The following MAPK10 variants were observed in gnomAD, a reference collection of about 807,000 sequenced individuals.
MAPK10 encodes JNK3 alpha protein kinase.
In MAPK10, 25 loss-of-function variants were observed where a neutral mutation model predicts 59.3. That is an observed-to-expected ratio of 0.42 (90% CI 0.31 to 0.59). MAPK10 has a LOEUF of 0.59. MAPK10 is among the 20% of genes least tolerant of loss of function. MAPK10 has a pLI of 0.15. For synonymous variants in MAPK10, 190 were observed against 200.5 expected, an observed-to-expected ratio of 0.95 and a Z score of 0.44; for missense variants, 351 against 568.9, an observed-to-expected ratio of 0.62 and a Z score of 3.90.
At chr4:86,453,206 C>T (rs1417303455), upstream of MAPK10, 11 of 152,390 alleles carry the variant, frequency 7.2e-5, no homozygotes, top group Admixed American at 3.3e-4. Context: ...AAAACTCCAG[C>T]TGAACTTTGT....
At chr4:86,411,550 G>T (rs924130641) in intron 1 of MAPK10, among the ~76,000 whole-genome samples, 1 of 152,162 alleles carries the variant, frequency 6.6e-6, no homozygotes, top group African/African-American at 2.4e-5. Context: ...TCTCTTTGTA[G>T]GTCTCTAAGG....
intron 9 of MAPK10, 111 bp downstream of exon 9, chr4:86,098,413 C>A: frequency 2.0e-6 from 3 of 1,523,370 alleles, no homozygotes; most frequent in Non-Finnish European, 2.7e-6. Flanking sequence ...TACAATAACA[C>A]CACTTACCCA....
At chr4:86,295,179 A>T (rs144589462) in intron 2 of MAPK10, among the ~76,000 whole-genome samples, 59 of 152,258 alleles carry the variant, frequency 3.9e-4, no homozygotes, top group African/African-American at 1.2e-3. Flanking sequence ...TTTCACTTCC[A>T]TGTTATGAAG....
intron 1 of MAPK10, among the ~76,000 whole-genome samples, chr4:86,529,821 G>C (rs1161126054): frequency 6.6e-6 from 1 of 152,086 alleles, no homozygotes; most frequent in Admixed American, 6.5e-5. Flanking sequence ...TGTATTTTTT[G>C]TCCTCAGTTT....
chr4:86,034,926 G>A (rs1051566618), intron 11 of MAPK10, among the ~76,000 whole-genome samples: 2 of 152,152 alleles, frequency 1.3e-5, no homozygotes, highest in African/African-American at 4.8e-5. Context: ...GGTAGTGGTA[G>A]TGGTGGTGCA....
intron 1 of MAPK10, among the ~76,000 whole-genome samples, chr4:86,381,557 C>T (rs1004861858): frequency 6.6e-6 from 1 of 152,146 alleles, no homozygotes; most frequent in East Asian, 1.9e-4. Flanking sequence ...CTGCAGGATA[C>T]TGGAAGGCAG....
At chr4:86,444,467 T>C (rs998005399) in intron 1 of MAPK10, among the ~76,000 whole-genome samples, 14 of 150,270 alleles carry the variant, frequency 9.3e-5, no homozygotes, top group African/African-American at 1.5e-4. Context: ...AGAAAAAACA[T>C]AGAAGAAAAT....
At chr4:86,527,847 G>T (rs191622417) in intron 1 of MAPK10, among the ~76,000 whole-genome samples, 1 of 152,294 alleles carries the variant, frequency 6.6e-6, no homozygotes, top group Admixed American at 6.5e-5. Context: ...CATGTCCTTT[G>T]TAGCAACATG....
At chr4:86,437,860 A>G (rs1232382279) in intron 1 of MAPK10, among the ~76,000 whole-genome samples, 1 of 152,226 alleles carries the variant, frequency 6.6e-6, no homozygotes, top group Non-Finnish European at 1.5e-5. Flanking sequence ...TCAAAAGTAA[A>G]ATGCATAAAT....
At chr4:86,348,622 G>A (rs1285771216) in intron 2 of MAPK10, among the ~76,000 whole-genome samples, 1 of 151,976 alleles carries the variant, frequency 6.6e-6, no homozygotes, top group Non-Finnish European at 1.5e-5. Context: ...TTTCAGTGAT[G>A]AAAACTTTAC....
chr4:86,491,888 A>C (rs1331151427), intron 1 of MAPK10, among the ~76,000 whole-genome samples: 1 of 152,184 alleles, frequency 6.6e-6, no homozygotes, highest in Non-Finnish European at 1.5e-5. Flanking sequence ...TAAAGGCTAG[A>C]GACTGTGCCT....
At chr4:86,360,815 A>G (rs1417494051), upstream of MAPK10, among the ~76,000 whole-genome samples, 1 of 152,172 alleles carries the variant, frequency 6.6e-6, no homozygotes, top group Non-Finnish European at 1.5e-5. Context: ...CAGTTTTACT[A>G]TCCATAAATA....
At chr4:86,378,326 C>T (rs1010370704) in intron 1 of MAPK10, among the ~76,000 whole-genome samples, 1 of 152,168 alleles carries the variant, frequency 6.6e-6, no homozygotes, top group African/African-American at 2.4e-5. Context: ...TGCTGATCCT[C>T]CTGTCTGCAA....
At chr4:86,209,412 A>G (rs561592409) in intron 2 of MAPK10, among the ~76,000 whole-genome samples, 1 of 152,256 alleles carries the variant, frequency 6.6e-6, no homozygotes, top group African/African-American at 2.4e-5. Flanking sequence ...CAGAATTTGC[A>G]TGAGGTAACT....
intron 2 of MAPK10, among the ~76,000 whole-genome samples, chr4:86,314,196 G>C (rs531660352): frequency 1.3e-4 from 20 of 152,240 alleles, no homozygotes; most frequent in African/African-American, 4.3e-4. Context: ...CTGCAAGGAG[G>C]CCCAAAGGAG....
chr4:86,042,577 A>G (rs1367084601), intron 11 of MAPK10, among the ~76,000 whole-genome samples: 1 of 152,224 alleles, frequency 6.6e-6, no homozygotes, highest in Non-Finnish European at 1.5e-5. Context: ...ATGGTGGAGT[A>G]AAAGTATAGT....
chr4:86,010,449 G>A lies in MAPK10; in HGVS notation c.*6779C>T, dbSNP rs768120230. ...ATTAACTCTGAATTTTTTAGGTTAAGGACCATGCAATATATATCTCCTACA... is the reference window on the plus strand; with the variant it reads ...ATTAACTCTGAATTTTTTAGGTTAAAGACCATGCAATATATATCTCCTACA... On this transcript the variant is annotated 3_prime_UTR_variant, in exon 14 of 14. Transcript: ENST00000641462. The A allele has an allele frequency of 1.3e-5, 2 of 152,122 alleles. No homozygotes were observed. The highest frequency in any genetic ancestry group is 2.9e-5 in the Non-Finnish European group (2 of 68,016). The allele number at this position is 152,122 out of a possible 1,614,324, so 9.4% of individuals were successfully genotyped here.
At chr4:86,149,604 C>A (rs1306651270) in intron 4 of MAPK10, among the ~76,000 whole-genome samples, 1 of 152,182 alleles carries the variant, frequency 6.6e-6, no homozygotes, top group Non-Finnish European at 1.5e-5. Flanking sequence ...GAACATTGAA[C>A]TAGAAAAGAC....
intron 2 of MAPK10, among the ~76,000 whole-genome samples, chr4:86,311,894 A>G (rs1019502632): frequency 6.6e-6 from 1 of 152,158 alleles, no homozygotes; most frequent in African/African-American, 2.4e-5. Flanking sequence ...GTTCTTCTAC[A>G]CCTTCTCTTT....
Sources: allele counts gnomAD v4.1 joint callset (sites outside exome capture counted in the v4.1 genomes callset), GRCh38; gene constraint gnomAD v4.1.1; transcripts MANE v1.5; gene names NCBI Gene and HGNC (gene_info 2026-07-23, HGNC 2026-07-21).